Variants in IGF2BP3 observed in about 807,000 individuals in gnomAD.
IGF2BP3 encodes insulin-like growth factor 2 mRNA-binding protein 3.
In IGF2BP3, 9 loss-of-function variants were observed where a neutral mutation model predicts 73.8. That is an observed-to-expected ratio of 0.12 (90% CI 0.07 to 0.21). IGF2BP3 has a LOEUF of 0.21. Ranked by LOEUF, IGF2BP3 falls within the 10% of genes least tolerant of loss-of-function variation. The probability of loss-of-function intolerance (pLI) is 1.00; values close to 1 mark genes in which losing one functional copy is unlikely to be tolerated. For missense variants in IGF2BP3, 542 were observed against 714.0 expected (o/e 0.76, Z 2.75); for synonymous variants, 258 against 256.7 (o/e 1.01, Z -0.05).
At chr7:23,345,845 T>A in intron 8 of IGF2BP3, 95 bp downstream of exon 8, 1 of 1,397,710 alleles carries the variant, frequency 7.2e-7, no homozygotes. Flanking sequence ...ACAGGCTAGC[T>A]GAAGCAGCTG....
In IGF2BP3 at chr7:23,376,769, G is replaced by A. The variant is rs568559884; in HGVS notation, c.286-15028C>T. Among the ~76,000 whole-genome samples, 2 of 152,280 alleles carry A rather than the reference G, an allele frequency of 1.3e-5. 1 individual carries two copies. Among genetic ancestry groups the A allele is most frequent in the South Asian group, 4.1e-4 (2 of 4,822 alleles). ...TGTAGTCCCAGCTACACGACAGGCT[G>A]AGGCAGGAGGTTGGCTTGGCCCAGA... On this transcript the variant is annotated intron_variant, in intron 3 of 14. Coordinates refer to ENST00000258729, the MANE Select transcript of IGF2BP3 (RefSeq NM_006547.3).
chr7:23,398,821 A>T (rs1786565846), intron 3 of IGF2BP3, among the ~76,000 whole-genome samples: 1 of 152,130 alleles, frequency 6.6e-6, no homozygotes, highest in South Asian at 2.1e-4. Context: ...CCTTTGTCAG[A>T]TGAGTAGGTT....
chr7:23,341,288 C>T (rs1315115131), intron 10 of IGF2BP3, among the ~76,000 whole-genome samples: 1 of 152,152 alleles, frequency 6.6e-6, no homozygotes, highest in African/African-American at 2.4e-5. Flanking sequence ...ATGGAAAACA[C>T]ACAGAGTCAC....
At chr7:23,350,940 G>C (rs1243560332) in intron 6 of IGF2BP3, among the ~76,000 whole-genome samples, 1 of 152,158 alleles carries the variant, frequency 6.6e-6, no homozygotes, top group African/African-American at 2.4e-5. Flanking sequence ...CAAATAAAAT[G>C]GATTGGACCC....
intron 5 of IGF2BP3, among the ~76,000 whole-genome samples, chr7:23,360,349 A>G (rs1234093608): frequency 6.6e-6 from 1 of 152,204 alleles, no homozygotes; most frequent in East Asian, 1.9e-4. Flanking sequence ...ACAATCAAAT[A>G]CTATGTAACT....
intron 10 of IGF2BP3, among the ~76,000 whole-genome samples, chr7:23,327,326 G>T (rs1028855822): frequency 2.5e-4 from 37 of 147,202 alleles, no homozygotes; most frequent in African/African-American, 8.8e-4. Flanking sequence ...TGTGGCCCAG[G>T]CTGGAGTGCA....
rs1179526852 is a variant in IGF2BP3, at chr7:23,441,796, ATC to A, written c.237-22974_237-22973del. On this transcript the variant is annotated intron_variant, in intron 2 of 14. Coordinates refer to ENST00000258729, the MANE Select transcript of IGF2BP3 (RefSeq NM_006547.3). ...TATTATACTTGTATCATTCACATAA[ATC>A]TGTTTATAAATTGAATAAGATTACT... Among the ~76,000 whole-genome samples the A allele has an allele frequency of 2.6e-5, 4 of 152,066 alleles. 1 individual carries two copies. The highest frequency in any genetic ancestry group is 5.9e-5 in the Non-Finnish European group (4 of 68,010).
At chr7:23,423,792 C>CA (rs1787420254) in intron 2 of IGF2BP3, among the ~76,000 whole-genome samples, 2 of 152,074 alleles carry the variant, frequency 1.3e-5, no homozygotes, top group East Asian at 3.9e-4. Context: ...ACAAAAACCC[C>CA]AAAATATTGA....
intron 11 of IGF2BP3, 89 bp from the exon 12 acceptor site, chr7:23,317,802 G>A: frequency 9.7e-7 from 1 of 1,032,188 alleles, no homozygotes. Flanking sequence ...GCATGTGACT[G>A]GCTGAAATGC....
intron 6 of IGF2BP3, among the ~76,000 whole-genome samples, chr7:23,349,826 G>A (rs943461362): frequency 3.9e-5 from 6 of 152,130 alleles, no homozygotes; most frequent in African/African-American, 1.2e-4. Context: ...TGAGTAGCTC[G>A]AAAAGGAACA....
At chr7:23,438,176 G>C (rs989807508) in intron 2 of IGF2BP3, among the ~76,000 whole-genome samples, 27 of 152,208 alleles carry the variant, frequency 1.8e-4, no homozygotes, top group African/African-American at 6.5e-4. Flanking sequence ...CTGAAGTGCA[G>C]TGCCACGATC....
intron 2 of IGF2BP3, among the ~76,000 whole-genome samples, chr7:23,468,219 G>A (rs975910517): frequency 5.9e-5 from 9 of 152,216 alleles, no homozygotes; most frequent in African/African-American, 2.2e-4. Context: ...CTCGGACCGA[G>A]GACATTCAGC....
intron 2 of IGF2BP3, among the ~76,000 whole-genome samples, chr7:23,436,409 C>A (rs1204041361): frequency 1.3e-5 from 2 of 152,170 alleles, no homozygotes; most frequent in Non-Finnish European, 2.9e-5. Flanking sequence ...CAAAGCCAGT[C>A]ATCATTTGGT....
In IGF2BP3 at chr7:23,343,818, G is replaced by A. The variant is rs199566927; in HGVS notation, c.977C>T (p.Thr326Ile). 138 of 1,612,654 alleles carry A rather than the reference G, an allele frequency of 8.6e-5. No homozygotes were observed. The highest frequency in any genetic ancestry group is 1.0e-4 in the Non-Finnish European group (120 of 1,179,550). ...CTCAACATTGCCTTTAACTGTAATA[G>A]TGCGTTCTGGATTATACAGCGTCAA... ...QELTLYNPER[T>I]ITVKGNVETC... is the part of the protein sequence containing the mutation. Residue 326 changes from threonine (T) to isoleucine (I), a missense_variant, in exon 9 of 15, where the codon ACT (threonine) becomes ATT (isoleucine). By Grantham distance (89) the Thr-to-Ile change is moderately conservative. Transcript: ENST00000258729.
intron 2 of IGF2BP3, among the ~76,000 whole-genome samples, chr7:23,439,554 C>CA (rs11332929): frequency 0.29 from 16,074 of 55,748 alleles, 2,499 homozygotes; most frequent in Non-Finnish European, 0.31. Flanking sequence ...GACTCCGTCT[C>CA]AAAAAAAAAA....
At chr7:23,334,279 G>A (rs1338464627) in intron 10 of IGF2BP3, among the ~76,000 whole-genome samples, 2 of 152,160 alleles carry the variant, frequency 1.3e-5, no homozygotes, top group African/African-American at 4.8e-5. Flanking sequence ...AGTGAGCCAA[G>A]ATCATGACAC....
chr7:23,382,169 C>T (rs274024), intron 3 of IGF2BP3, among the ~76,000 whole-genome samples: 9,524 of 152,078 alleles, frequency 0.063, 481 homozygotes, highest in East Asian at 0.13. Flanking sequence ...TCACTTGAGC[C>T]CAGGAGGTTG....
intron 2 of IGF2BP3, among the ~76,000 whole-genome samples, chr7:23,439,925 C>G (rs77701026): frequency 0.02 from 2,984 of 152,296 alleles, 102 homozygotes; most frequent in African/African-American, 0.069. Flanking sequence ...CAAAAATTTA[C>G]AATGGCCCTT....
chr7:23,350,592 C>T (rs1784935446), intron 6 of IGF2BP3, among the ~76,000 whole-genome samples: 1 of 152,232 alleles, frequency 6.6e-6, no homozygotes, highest in Non-Finnish European at 1.5e-5. Flanking sequence ...ATCTTAGATA[C>T]ACATGAAAGG....
Sources: allele counts gnomAD v4.1 joint callset (sites outside exome capture counted in the v4.1 genomes callset), GRCh38; gene constraint gnomAD v4.1.1; transcripts MANE v1.5; gene names NCBI Gene and HGNC (gene_info 2026-07-23, HGNC 2026-07-21).